TRIO: variants seen among roughly 807,000 people sequenced by gnomAD.
TRIO encodes triple functional domain protein.
Under a neutral mutation model 351.9 loss-of-function variants are expected in TRIO, and 58 were observed. The observed-to-expected ratio is 0.16, with a 90% CI of 0.13 to 0.21. TRIO has a LOEUF of 0.21. Ranked by LOEUF, TRIO falls within the 10% of genes least tolerant of loss-of-function variation. The probability of loss-of-function intolerance (pLI) is 1.00; values close to 1 mark genes in which losing one functional copy is unlikely to be tolerated. For missense variants in TRIO, 3,201 were observed against 4,027.8 expected (o/e 0.79, Z 5.56); for synonymous variants, 1,758 against 1,595.7 (o/e 1.10, Z -2.42).
intron 1 of TRIO, among the ~76,000 whole-genome samples, chr5:14,190,829 A>G (rs998860707): frequency 6.6e-6 from 1 of 152,172 alleles, no homozygotes; most frequent in Non-Finnish European, 1.5e-5. Flanking sequence ...CTCAGGACAA[A>G]TATACACACA....
At chr5:14,464,895 C>A (rs1754136740) in intron 36 of TRIO, among the ~76,000 whole-genome samples, 1 of 152,084 alleles carries the variant, frequency 6.6e-6, no homozygotes, top group Admixed American at 6.5e-5. Context: ...TTCCTGTCAA[C>A]CCCTTTACGC....
intron 1 of TRIO, among the ~76,000 whole-genome samples, chr5:14,176,880 G>A (rs969663557): frequency 2.0e-5 from 3 of 152,040 alleles, no homozygotes; most frequent in Non-Finnish European, 4.4e-5. Flanking sequence ...TTGAAAATCT[G>A]GTTTTAACTT....
In TRIO at chr5:14,378,139, C is replaced by A; in HGVS notation, c.3447+12C>A. 6.3e-7 allele frequency: 1 copy of A among 1,594,162 alleles called. No individual in the cohort carries two copies. Among genetic ancestry groups the A allele is most frequent in the Non-Finnish European group, 8.6e-7 (1 of 1,166,646 alleles). On this transcript the variant is annotated intron_variant, in intron 20 of 56. Coordinates refer to ENST00000344204, the MANE Select transcript of TRIO (RefSeq NM_007118.4). ...GGAGTGCCAAGCAGGTCAGTGCACA[C>A]CTGGTGCCCAGCCTCCCCCTAAACT... is the stretch of plus-strand genomic sequence containing the variant.
chr5:14,503,289 C>G (rs1455233901), intron 54 of TRIO, among the ~76,000 whole-genome samples: 1 of 152,236 alleles, frequency 6.6e-6, no homozygotes. Flanking sequence ...CCCAGAAACT[C>G]CAGCCAGCAG....
At position 14,160,742 on chromosome 5, in the gene TRIO, C is replaced by T. The variant is rs1285734263; in HGVS notation, c.157+16860C>T. Among the ~76,000 whole-genome samples, 2 of 152,206 alleles carry T rather than the reference C, an allele frequency of 1.3e-5. 1 individual carries two copies. Reference sequence around the variant, plus strand: ...CCCATTTATCACACATTTACTGGTACACGCCTATTTTACTTGTGTTACAGG... The same window carrying T: ...CCCATTTATCACACATTTACTGGTATACGCCTATTTTACTTGTGTTACAGG... On this transcript the variant is annotated intron_variant, in intron 1 of 56. Coordinates refer to ENST00000344204, the MANE Select transcript of TRIO (RefSeq NM_007118.4).
chr5:14,274,243 G>C (rs1032641489), intron 2 of TRIO, among the ~76,000 whole-genome samples: 1 of 152,180 alleles, frequency 6.6e-6, no homozygotes, highest in Non-Finnish European at 1.5e-5. Context: ...GTTTTAGGAA[G>C]CGAGGAATCC....
intron 1 of TRIO, among the ~76,000 whole-genome samples, chr5:14,150,632 A>G (rs1040908241): frequency 1.3e-5 from 2 of 152,244 alleles, no homozygotes; most frequent in African/African-American, 4.8e-5. Context: ...GCCAAAAAAT[A>G]CATATTCAGC....
At chr5:14,366,810 GGA>G (rs1272033112) in intron 15 of TRIO, 48 bp from the exon 16 acceptor site, 1 of 1,611,348 alleles carries the variant, frequency 6.2e-7, no homozygotes, top group African/African-American at 1.3e-5. Context: ...GTGGTCCACA[GGA>G]TTCTCTGGGA....
At chr5:14,258,548 C>G (rs951644354) in intron 1 of TRIO, among the ~76,000 whole-genome samples, 6 of 152,174 alleles carry the variant, frequency 3.9e-5, no homozygotes, top group Admixed American at 1.3e-4. Flanking sequence ...AACAGATTCC[C>G]CAGCCTACAA....
At chr5:14,374,897 A>C (rs1297509248) in intron 19 of TRIO, among the ~76,000 whole-genome samples, 1 of 152,144 alleles carries the variant, frequency 6.6e-6, no homozygotes. Flanking sequence ...AACGTATACT[A>C]AATTGTAATA....
rs139584638 is a variant in TRIO at position 14,411,127 on chromosome 5, C to G, written c.4959+4455C>G. 5.9e-3 allele frequency among the ~76,000 whole-genome samples: 894 copies of G among 152,258 alleles called. 13 individuals are homozygous for G. The highest frequency in any genetic ancestry group is 0.02 in the African/African-American group (848 of 41,548). ...AGGAGATCCAGGCCCTCTGCAAGGCCTCCCAGCAGCAGAGGGCCACAGCCA... is the reference window on the plus strand; with the variant it reads ...AGGAGATCCAGGCCCTCTGCAAGGCGTCCCAGCAGCAGAGGGCCACAGCCA... On this transcript the variant is annotated intron_variant, in intron 33 of 56. Coordinates refer to ENST00000344204, the MANE Select transcript of TRIO (RefSeq NM_007118.4).
rs114005872 is a variant in TRIO at position 14,465,449 on chromosome 5, T to C, written c.5668-96T>C. On this transcript the variant is annotated intron_variant, in intron 36 of 56. Transcript: ENST00000344204. The stretch of plus-strand genomic sequence containing the variant: ...GTGGTCTTTTTGTCTGGAATTACTT[T>C]CACAAGAGATGGAGCTTGCAGGGGA... 448 of 1,206,584 alleles carry C rather than the reference T, an allele frequency of 3.7e-4. 2 individuals are homozygous for C. In the African/African-American group the frequency reaches 5.8e-3, roughly 16 times the overall value. 74.7% of individuals were successfully genotyped at this position (1,206,584 alleles called of 1,614,324 possible).
chr5:14,485,052 GT>G lies in TRIO; in HGVS notation c.6658-4del, dbSNP rs77888842. The G allele has an allele frequency of 0.019, 24,443 of 1,296,084 alleles. 6 individuals are homozygous for G. The highest frequency in any genetic ancestry group is 0.034 in the South Asian group (2,187 of 64,094). 80.3% of individuals were successfully genotyped at this position (1,296,084 alleles called of 1,614,324 possible). On this transcript the variant is annotated splice_polypyrimidine_tract_variant and intron_variant, in intron 46 of 56. Transcript: ENST00000344204. Reference sequence around the variant, plus strand: ...CCACCTGTTAGCTATTATGAATAATGTTTTTTTTTTTTTAAGGTGAGTTGCC... The same window carrying G: ...CCACCTGTTAGCTATTATGAATAATGTTTTTTTTTTTTAAGGTGAGTTGCC...
chr5:14,361,772 C>T (rs1236169881), intron 13 of TRIO, among the ~76,000 whole-genome samples: 4 of 152,170 alleles, frequency 2.6e-5, no homozygotes, highest in East Asian at 1.9e-4. Context: ...TGGGTGGTGT[C>T]GTCATCTCTC....
intron 28 of TRIO, among the ~76,000 whole-genome samples, chr5:14,396,374 C>T (rs150660666): frequency 2.4e-4 from 35 of 147,844 alleles, no homozygotes; most frequent in African/African-American, 8.4e-4. Context: ...ACAGTTGGAC[C>T]TGACATGGCA....
At chr5:14,184,707 A>G (rs1027735714) in intron 1 of TRIO, among the ~76,000 whole-genome samples, 7 of 152,196 alleles carry the variant, frequency 4.6e-5, no homozygotes, top group Admixed American at 4.6e-4. Context: ...GTTTCTTTCC[A>G]GTACATAGCC....
chr5:14,208,963 T>G (rs1463198641), intron 1 of TRIO, among the ~76,000 whole-genome samples: 1 of 152,262 alleles, frequency 6.6e-6, no homozygotes, highest in African/African-American at 2.4e-5. Context: ...TAAAACTGGA[T>G]TGTGATGCTG....
chr5:14,378,236 T>G (rs1313775248), intron 20 of TRIO, 109 bp downstream of exon 20: 4 of 769,708 alleles, frequency 5.2e-6, no homozygotes, highest in Non-Finnish European at 8.7e-6. Flanking sequence ...CACTTTCTAA[T>G]GACAAACAGT....
At chr5:14,396,296 G>A (rs878994918) in intron 28 of TRIO, among the ~76,000 whole-genome samples, 3 of 151,922 alleles carry the variant, frequency 2.0e-5, no homozygotes, top group East Asian at 3.9e-4. Context: ...TGGCTGGTCC[G>A]GTTTAGATGG....
Sources: allele counts gnomAD v4.1 joint callset (sites outside exome capture counted in the v4.1 genomes callset), GRCh38; gene constraint gnomAD v4.1.1; transcripts MANE v1.5; gene names NCBI Gene and HGNC (gene_info 2026-07-23, HGNC 2026-07-21).